Variants in HCST observed in about 807,000 individuals in gnomAD.
HCST encodes the protein DNAX-activation protein 10.
In HCST, 12 loss-of-function variants were observed where a neutral mutation model predicts 10.8. That is an observed-to-expected ratio of 1.12 (90% CI 0.72 to 1.81). The LOEUF (loss-of-function observed/expected upper bound fraction) is 1.81. Ranked by LOEUF, HCST falls within the 40% of genes most tolerant of loss-of-function variation. The probability of loss-of-function intolerance (pLI) is 0.00; values close to 1 mark genes in which losing one functional copy is unlikely to be tolerated. For missense variants in HCST, 102 were observed against 117.9 expected (o/e 0.87, Z 0.62); for synonymous variants, 59 against 51.6 (o/e 1.14, Z -0.61).
rs141357331 is a variant in HCST, at chr19:35,903,844, C to G, written c.182C>G (p.Ser61Trp). 2.2e-4 allele frequency: 353 copies of G among 1,613,680 alleles called. 1 individual carries two copies. The African/African-American group carries it at 3.8e-3, about 17-fold the overall frequency. The change falls in exon 3 of 4, where the codon TCG becomes TGG. Residue 61 changes from serine to tryptophan, a missense_variant. Transcript: ENST00000246551. Reference protein sequence around the residue: ...AGLVAADAVASLLIVGAVFLC... With the variant: ...AGLVAADAVAWLLIVGAVFLC... ...CTCGTGGCTGCTGATGCGGTGGCAT[C>G]GCTGCTCATCGTGGGGGCGGTGTTC... is the stretch of plus-strand genomic sequence containing the variant.
intron 3 of HCST, 88 bp from the exon 4 acceptor site, chr19:35,904,007 ACCCTGGGGGAGGTGCCTGGGGGAAC>A: frequency 6.3e-7 from 1 of 1,582,410 alleles, no homozygotes. Flanking sequence ...TGCTGGGGAA[ACCCTGGGGGAGGTGCCTGGGGGAAC>A]CCCTGAGGAA....
chr19:35,902,838 C>T (rs566544046), intron 1 of HCST: 52 of 573,140 alleles, frequency 9.1e-5, no homozygotes, highest in African/African-American at 7.9e-4. Flanking sequence ...TGCCTGTTAG[C>T]GTCCCCTTCT....
rs573701438 is a variant in HCST at position 35,902,562 on chromosome 19, TCTGCCAGACCC to T, written c.-19_-9del. 1,052 of 1,612,172 alleles carry T rather than the reference TCTGCCAGACCC, an allele frequency of 6.5e-4. 12 individuals are homozygous for T. In the African/African-American group the frequency reaches 0.013, roughly 19 times the overall value. The stretch of plus-strand genomic sequence containing the variant: ...TCTGGACTTCTCTGGACCACAGTCC[TCTGCCAGACCC>T]CTGCCAGACCCCAGTCCACCATGAT... On this transcript the variant is annotated 5_prime_UTR_variant, in exon 1 of 4. Coordinates refer to ENST00000246551, the MANE Select transcript of HCST (RefSeq NM_014266.4).
At chr19:35,903,267 A>G in intron 1 of HCST, 84 bp from the exon 2 acceptor site, 1 of 1,221,232 alleles carries the variant, frequency 8.2e-7, no homozygotes, top group South Asian at 1.2e-5. Context: ...CTGGGATGAC[A>G]GGCGTGAGCC....
chr19:35,902,787 T>C, intron 1 of HCST, 151 bp downstream of exon 1: 1 of 772,472 alleles, frequency 1.3e-6, no homozygotes, highest in South Asian at 1.7e-5. Flanking sequence ...GCCTGGGTCC[T>C]TGGGGGCGGA....
At chr19:35,902,723 T>A (rs1198938812) in intron 1 of HCST, 87 bp downstream of exon 1, 7 of 1,370,492 alleles carry the variant, frequency 5.1e-6, no homozygotes, top group Non-Finnish European at 7.2e-6. Flanking sequence ...GTGATGAAAG[T>A]GGGGTTCTTC....
chr19:35,902,613 T>C lies in HCST; in HGVS notation c.20T>C (p.Ile7Thr). 6.2e-7 allele frequency: 1 copy of C among 1,614,160 alleles called. No individual in the cohort carries two copies. The highest frequency in any genetic ancestry group is 1.1e-5 in the South Asian group (1 of 91,082). Residue 7 changes from isoleucine to threonine, a missense_variant, in exon 1 of 4, where the codon ATC (isoleucine) becomes ACC (threonine). Coordinates refer to ENST00000246551, the MANE Select transcript of HCST (RefSeq NM_014266.4). ...TCCACCATGATCCATCTGGGTCACA[T>C]CCTCTTCCTGCTTTTGCTCCCAGGT... is the stretch of plus-strand genomic sequence containing the variant. MIHLGH[I>T]LFLLLLPVAA...
At chr19:35,903,702 C>T in intron 2 of HCST, 70 bp from the exon 3 acceptor site, 1 of 1,610,632 alleles carries the variant, frequency 6.2e-7, no homozygotes, top group Non-Finnish European at 8.5e-7. Context: ...TTCCTCTCTG[C>T]CTGTGGCCAA....
At chr19:35,903,201 G>C (rs951955598) in intron 1 of HCST, 150 bp from the exon 2 acceptor site, 1 of 651,452 alleles carries the variant, frequency 1.5e-6, no homozygotes, top group Admixed American at 2.2e-5. Context: ...ATGTTGCCCA[G>C]GCTGGTCTCG....
chr19:35,903,368 A>G lies in HCST; in HGVS notation c.61A>G (p.Thr21Ala), dbSNP rs1178594177. The G allele has an allele frequency of 6.2e-6, 10 of 1,613,334 alleles. No individual in the cohort carries two copies. Among genetic ancestry groups the G allele is most frequent in the Non-Finnish European group, 8.5e-6 (10 of 1,179,812 alleles). ...TTCCACAGTGGCTGCAGCTCAGACG[A>G]CTCCAGGAGAGAGATCATCACTCCC... ...LLLPVAAAQT[T>A]PGERSSLPAF... The change falls in exon 2 of 4, where the codon ACT (threonine) becomes GCT (alanine). Residue 21 changes from threonine (T) to alanine (A), a missense_variant. Physicochemically the swap from Thr to Ala is moderately conservative, Grantham distance 58. Transcript: ENST00000246551.
At chr19:35,903,076 G>T in intron 1 of HCST, 1 of 463,532 alleles carries the variant, frequency 2.2e-6, no homozygotes, top group South Asian at 2.1e-5. Flanking sequence ...CGGCAGCCTT[G>T]ACTTCCTGGG....
chr19:35,904,096 A>G (rs1176993032), intron 3 of HCST, 24 bp from the exon 4 acceptor site: 3 of 1,613,058 alleles, frequency 1.9e-6, no homozygotes, highest in Admixed American at 1.7e-5. Context: ...GTCAAGCTTC[A>G]TGCTTTCTCT....
Position 35,904,034 on chromosome 19 carries a change from C to T in HCST, c.242-86C>T, listed in dbSNP as rs1212644209. 2.5e-6 allele frequency: 4 copies of T among 1,598,186 alleles called. No individual in the cohort carries two copies. The African/African-American group carries it at 5.4e-5, about 21-fold the overall frequency. On this transcript the variant is annotated intron_variant, in intron 3 of 3. Coordinates refer to ENST00000246551, the MANE Select transcript of HCST (RefSeq NM_014266.4). ...CCTGGGGGAGGTGCCTGGGGGAACCCCTGAGGAAACCCCTGAAGCAGGGGG... is the reference window on the plus strand; with the variant it reads ...CCTGGGGGAGGTGCCTGGGGGAACCTCTGAGGAAACCCCTGAAGCAGGGGG...
intron 1 of HCST, chr19:35,903,036 G>A: frequency 2.3e-6 from 1 of 443,472 alleles, no homozygotes; most frequent in Non-Finnish European, 4.2e-6. Flanking sequence ...TGTTGTCCAG[G>A]CTGGAGTGCA....
intron 1 of HCST, 131 bp downstream of exon 1, chr19:35,902,767 C>T: frequency 1.1e-6 from 1 of 939,030 alleles, no homozygotes; most frequent in Non-Finnish European, 1.7e-6. Flanking sequence ...GAGATCCATT[C>T]TGCTTCAGGG....
At chr19:35,903,013 T>C (rs774962207) in intron 1 of HCST, 18 of 419,138 alleles carry the variant, frequency 4.3e-5, no homozygotes, top group Admixed American at 7.6e-5. Context: ...TATTTTGAGA[T>C]GGGGTCTTGC....
At position 35,904,240 on chromosome 19, in the gene HCST, C is replaced by T. The variant is rs1975662224; in HGVS notation, c.*80C>T. 12 of 1,422,850 alleles carry T rather than the reference C, an allele frequency of 8.4e-6. No homozygotes were observed. The highest frequency in any genetic ancestry group is 1.2e-5 in the Non-Finnish European group (12 of 1,012,740). 88.1% of individuals were successfully genotyped at this position (1,422,850 alleles called of 1,614,324 possible). A position where few individuals can be genotyped will look rare whatever the true frequency, so the allele number is the denominator to read the frequency against. On this transcript the variant is annotated 3_prime_UTR_variant, in exon 4 of 4. Transcript: ENST00000246551. ...GGTGGCACAGGAACCCCCGCCCCAA[C>T]TTTTGGATTGTAATAAAACAATTGA... is the stretch of plus-strand genomic sequence containing the variant.
chr19:35,904,066 G>C lies in HCST; in HGVS notation c.242-54G>C, dbSNP rs1975656870. 2.5e-6 allele frequency: 4 copies of C among 1,610,470 alleles called. No homozygotes were observed. In the African/African-American group the frequency reaches 5.3e-5, roughly 22 times the overall value. ...AAACCCCTGAAGCAGGGGGTCCCCA[G>C]GGAAGTGGAGATATGGGTGGTCAAG... is the stretch of plus-strand genomic sequence containing the variant. On this transcript the variant is annotated intron_variant, in intron 3 of 3. Coordinates refer to ENST00000246551, the MANE Select transcript of HCST (RefSeq NM_014266.4).
rs562305737 is a variant in HCST, at chr19:35,903,229, G to A, written c.44-122G>A. The A allele has an allele frequency of 2.5e-4, 199 of 791,796 alleles. 2 individuals carry two copies. Among genetic ancestry groups the A allele is most frequent in the South Asian group, 2.5e-3 (175 of 70,538 alleles). The allele number at this position is 791,796 out of a possible 1,614,324, so 49.0% of individuals were successfully genotyped here. A position where few individuals can be genotyped will look rare whatever the true frequency, so the allele number is the denominator to read the frequency against. On this transcript the variant is annotated intron_variant, in intron 1 of 3. Coordinates refer to ENST00000246551, the MANE Select transcript of HCST (RefSeq NM_014266.4). ...TGGTCTCGAACTCCTGGGCTCAAGCGATCTTCCTGCCTCGGCCTCCCAAAG... is the reference window on the plus strand; with the variant it reads ...TGGTCTCGAACTCCTGGGCTCAAGCAATCTTCCTGCCTCGGCCTCCCAAAG...
Sources: gnomAD v4.1 joint callset for allele counts on GRCh38, gnomAD v4.1.1 for gene constraint, MANE v1.5 for transcripts, NCBI Gene and HGNC (gene_info 2026-07-23, HGNC 2026-07-21) for gene names.